COL11A2: variants seen among roughly 807,000 people sequenced by gnomAD.
COL11A2 encodes collagen type XI alpha 2 chain, also known as collagen alpha-2(XI) chain.
COL11A2 carries 116 observed loss-of-function variants against 273.4 expected under a neutral mutation model. That is an observed-to-expected ratio of 0.42 (90% confidence interval 0.36 to 0.49). The LOEUF is 0.49. Among genes scored for constraint, COL11A2 ranks in the 20% least tolerant of loss-of-function variants. COL11A2 has a pLI of 0.00. For synonymous variants in COL11A2, 782 were observed against 864.2 expected (o/e 0.90, Z 1.67); for missense variants, 1,866 against 2,309.0 (o/e 0.81, Z 3.93).
At chr6:33,187,285 G>A (rs375535265) in intron 4 of COL11A2, among the ~76,000 whole-genome samples, 141 of 152,322 alleles carry the variant, frequency 9.3e-4, no homozygotes, top group African/African-American at 3.2e-3. Context: ...ATGGAGTGGG[G>A]AGAACCCATT....
chr6:33,184,890 G>A (rs1019022217), intron 7 of COL11A2, 102 bp downstream of exon 7: 15 of 964,838 alleles, frequency 1.6e-5, no homozygotes, highest in African/African-American at 1.1e-4. Flanking sequence ...AGAACCCTCC[G>A]GCCAGAGGAG....
chr6:33,179,077 C>A lies in COL11A2; in HGVS notation c.1607G>T (p.Arg536Leu), dbSNP rs770888294. The A allele has an allele frequency of 6.2e-7, 1 of 1,613,892 alleles. No homozygotes were observed. The highest frequency in any genetic ancestry group is 8.5e-7 in the Non-Finnish European group (1 of 1,179,828). ...ATCCACCCCTGGGGCACTCACCCTT[C>A]GCCCAGCCTTGCCAGGAGGGCCTGT... ...GLTGPPGKAG[R>L]RGRAGADGAR... Residue 536 changes from arginine (R) to leucine (L), a missense_variant, in exon 16 of 66, where the codon CGA (arginine) becomes CTA (leucine). Coordinates refer to ENST00000341947, the MANE Select transcript of COL11A2 (RefSeq NM_080680.3). This position sits in a 1 kb window ranked among gnomAD's most constrained non-coding sequence, Gnocchi z 6.4.
rs557164425 is a variant in COL11A2, at chr6:33,190,780, A to G, written c.83-1311T>C. 6.6e-6 allele frequency among the ~76,000 whole-genome samples: 1 copy of G among 152,222 alleles called. No individual in the cohort carries two copies. Among genetic ancestry groups the G allele is most frequent in the South Asian group, 2.1e-4 (1 of 4,830 alleles). Reference sequence around the variant, plus strand: ...GAGAGACGAAGGGTGAGTGAGACAGAGACACAGAGACTCACAGAGACCCCA... The same window carrying G: ...GAGAGACGAAGGGTGAGTGAGACAGGGACACAGAGACTCACAGAGACCCCA... On this transcript the variant is annotated intron_variant, in intron 1 of 65. Transcript: ENST00000341947. The surrounding 1 kb of genome is among the most constrained non-coding windows in gnomAD (Gnocchi z 4.5).
Position 33,169,272 on chromosome 6 carries a change from C to A in COL11A2, c.3798+111G>T. ...GATGCCCCATTCCCAGAGCATCCCC[C>A]AAACTCCCGGGCTCCCCACACTCCA... is the stretch of plus-strand genomic sequence containing the variant. On this transcript the variant is annotated intron_variant, in intron 51 of 65. Transcript: ENST00000341947. The surrounding 1 kb of genome is among the most constrained non-coding windows in gnomAD (Gnocchi z 5.5). The A allele has an allele frequency of 1.9e-6, 2 of 1,056,982 alleles. No homozygotes were observed. Among genetic ancestry groups the A allele is most frequent in the African/African-American group, 1.6e-5 (1 of 63,506 alleles). The allele number at this position is 1,056,982 out of a possible 1,614,324, so 65.5% of individuals were successfully genotyped here.
chr6:33,174,348 G>A, intron 31 of COL11A2, 130 bp from the exon 32 acceptor site: 1 of 1,408,142 alleles, frequency 7.1e-7, no homozygotes, highest in Middle Eastern at 1.8e-4. Context: ...GAACTAAGTG[G>A]CCTTGGACAA....
rs1418012521 is a variant in COL11A2 at position 33,170,951 on chromosome 6, C to G, written c.3367-34G>C. On this transcript the variant is annotated intron_variant, in intron 45 of 65. Transcript: ENST00000341947. This position sits in a 1 kb window ranked among gnomAD's most constrained non-coding sequence, Gnocchi z 4.3. ...TTGAGGGAAAGCAGAGACAAGGACACAGGGATGGGTCATGGGTCAGGTGTT... is the reference window on the plus strand; with the variant it reads ...TTGAGGGAAAGCAGAGACAAGGACAGAGGGATGGGTCATGGGTCAGGTGTT... 4 of 1,557,574 alleles carry G rather than the reference C, an allele frequency of 2.6e-6. No individual in the cohort carries two copies. In the African/African-American group the frequency reaches 5.2e-5, roughly 20 times the overall value.
At chr6:33,168,678 G>T (rs1469767006) in intron 53 of COL11A2, 28 bp downstream of exon 53, 6 of 1,589,434 alleles carry the variant, frequency 3.8e-6, no homozygotes, top group East Asian at 4.6e-5. Flanking sequence ...TTGGGCTCAG[G>T]GGGGTGGTGG....
rs373659846 is a variant in COL11A2 at position 33,176,078 on chromosome 6, G to A, written c.2215-9C>T. On this transcript the variant is annotated splice_polypyrimidine_tract_variant and intron_variant, in intron 28 of 65. Transcript: ENST00000341947. The surrounding 1 kb of genome is among the most constrained non-coding windows in gnomAD (Gnocchi z 4.9). ...GGAAAGCCATCCTCACCCTGAGAAA[G>A]ATAGAGGTGAGAGGGCACCACAGAT... 6.2e-7 allele frequency: 1 copy of A among 1,612,928 alleles called. No homozygotes were observed. Among genetic ancestry groups the A allele is most frequent in the African/African-American group, 1.3e-5 (1 of 74,902 alleles).
intron 31 of COL11A2, 34 bp downstream of exon 31, chr6:33,174,493 G>C (rs1409941187): frequency 6.2e-7 from 1 of 1,610,276 alleles, no homozygotes; most frequent in African/African-American, 1.3e-5. Context: ...GAGGAGGGAA[G>C]AGGAGGAGGG....
At chr6:33,187,506 A>G (rs1368037401) in intron 4 of COL11A2, among the ~76,000 whole-genome samples, 1 of 152,036 alleles carries the variant, frequency 6.6e-6, no homozygotes, top group Non-Finnish European at 1.5e-5. Flanking sequence ...GGGATGGGTG[A>G]ATGGAGGGAT....
chr6:33,171,134 C>T lies in COL11A2; in HGVS notation c.3346G>A (p.Val1116Met), dbSNP rs1430946907. The change falls in exon 45 of 66, where the codon GTG becomes ATG. Residue 1116 changes from valine (V) to methionine (M), a missense_variant. Val to Met is a conservative substitution (Grantham distance 21, BLOSUM62 1). Transcript: ENST00000341947. ...CTCACCGCTGCTCCAGGCTGCCCCA[C>T]AGGACCAATGGGTCCAGGGGGTCCA... ...PPGPPGPIGP[V>M]GQPGAAGADG... is the part of the protein sequence containing the mutation. The T allele has an allele frequency of 3.8e-6, 6 of 1,592,166 alleles. No individual in the cohort carries two copies. The highest frequency in any genetic ancestry group is 2.2e-5 in the South Asian group (2 of 89,082).
At position 33,170,056 on chromosome 6, in the gene COL11A2, A is replaced by AG; in HGVS notation, c.3626dup (p.Gly1210TrpfsTer45). 3.1e-6 allele frequency: 5 copies of AG among 1,612,888 alleles called. No individual in the cohort carries two copies. Among genetic ancestry groups the AG allele is most frequent in the Non-Finnish European group, 4.2e-6 (5 of 1,179,948 alleles). On this transcript the variant is annotated frameshift_variant, in exon 49 of 66. Transcript: ENST00000341947. LOFTEE classifies it high-confidence loss of function. This position sits in a 1 kb window ranked among gnomAD's most constrained non-coding sequence, Gnocchi z 4.3. ...CCCCCTTCCCAGTTACCTTCTCTCC[A>AG]GGGGGACCCAGGTTCCCAACACCTC... is the stretch of plus-strand genomic sequence containing the variant.
In COL11A2 at chr6:33,170,384, G is replaced by A. The variant is rs201941509; in HGVS notation, c.3529-5C>T. 8.1e-6 allele frequency: 13 copies of A among 1,613,616 alleles called. No individual in the cohort carries two copies. The highest frequency in any genetic ancestry group is 1.0e-5 in the Non-Finnish European group (12 of 1,179,866). ...TCCTGGGGGGCCAGGTGGTCCCTGG[G>A]GGAAACAGATACACCACAGATGAGG... On this transcript the variant is annotated splice_polypyrimidine_tract_variant and splice_region_variant and intron_variant, in intron 47 of 65. Transcript: ENST00000341947. This position sits in a 1 kb window ranked among gnomAD's most constrained non-coding sequence, Gnocchi z 4.3.
intron 52 of COL11A2, 82 bp from the exon 53 acceptor site, chr6:33,168,841 G>A (rs2855447): frequency 6.2e-7 from 1 of 1,602,742 alleles, no homozygotes. Context: ...CCATCCCCTT[G>A]CCCACCCTGC....
chr6:33,174,434 C>G, intron 31 of COL11A2, 93 bp downstream of exon 31: 1 of 1,522,714 alleles, frequency 6.6e-7, no homozygotes, highest in Non-Finnish European at 9.0e-7. Flanking sequence ...GGGTCCCCCA[C>G]TGCCCTGCAT....
At position 33,167,784 on chromosome 6, in the gene COL11A2, C is replaced by A. The variant is rs565552100; in HGVS notation, c.4014+15G>T. On this transcript the variant is annotated intron_variant, in intron 55 of 65. Transcript: ENST00000341947. This position sits in a 1 kb window ranked among gnomAD's most constrained non-coding sequence, Gnocchi z 6.1. The stretch of plus-strand genomic sequence containing the variant: ...CGGAGGGGATGCTCCAGCACTAGGG[C>A]AGCCTGTCCCTCACCTTGGCTCCCT... 9 of 1,612,738 alleles carry A rather than the reference C, an allele frequency of 5.6e-6. No individual in the cohort carries two copies. Among genetic ancestry groups the A allele is most frequent in the Middle Eastern group, 1.7e-4 (1 of 6,058 alleles).
At position 33,173,945 on chromosome 6, in the gene COL11A2, T is replaced by A; in HGVS notation, c.2530-19A>T. 6.2e-7 allele frequency: 1 copy of A among 1,612,914 alleles called. No homozygotes were observed. The highest frequency in any genetic ancestry group is 8.5e-7 in the Non-Finnish European group (1 of 1,179,644). On this transcript the variant is annotated intron_variant, in intron 33 of 65. Transcript: ENST00000341947. This position sits in a 1 kb window ranked among gnomAD's most constrained non-coding sequence, Gnocchi z 6.3. ...GTGGACCCTACAGAGGGAAGAGGAG[T>A]TGTCAGAGAAACCCAAATGCCCCCC...
In COL11A2 at chr6:33,167,550, G is replaced by C; in HGVS notation, c.4015-17C>G. 1.9e-6 allele frequency: 3 copies of C among 1,611,734 alleles called. No individual in the cohort carries two copies. Among genetic ancestry groups the C allele is most frequent in the Non-Finnish European group, 2.5e-6 (3 of 1,179,112 alleles). ...AGGATCTCCCTGAAACACACACAAG[G>C]AATGTGTCCTGAATGGCAGAGGAGT... is the stretch of plus-strand genomic sequence containing the variant. On this transcript the variant is annotated splice_polypyrimidine_tract_variant and intron_variant, in intron 55 of 65. Coordinates refer to ENST00000341947, the MANE Select transcript of COL11A2 (RefSeq NM_080680.3). The surrounding 1 kb of genome is among the most constrained non-coding windows in gnomAD (Gnocchi z 6.1).
chr6:33,175,552 C>A, intron 30 of COL11A2, 22 bp downstream of exon 30: 1 of 1,606,646 alleles, frequency 6.2e-7, no homozygotes, highest in Non-Finnish European at 8.5e-7. Context: ...AGGACCCAGG[C>A]ACAGAACCCT....
Sources: gnomAD v4.1 joint callset for allele counts (sites outside exome capture counted in the v4.1 genomes callset) on GRCh38, gnomAD v4.1.1 for gene constraint, Gnocchi (gnomAD v3.1) non-coding constraint, MANE v1.5 for transcripts, NCBI Gene and HGNC (gene_info 2026-07-23, HGNC 2026-07-21) for gene names.